Variants in FSHR observed in about 807,000 individuals in gnomAD.
FSHR encodes the protein follicle-stimulating hormone receptor.
A neutral mutation model predicts 52.1 loss-of-function variants in FSHR; 46 were observed. The ratio of observed to expected loss-of-function variants is 0.88; its 90% CI spans 0.70 to 1.13. The LOEUF is 1.13. Among genes scored for constraint, FSHR ranks in the 50% most tolerant of loss-of-function variants. The probability of loss-of-function intolerance (pLI) is 0.00; values close to 1 mark genes in which losing one functional copy is unlikely to be tolerated. For synonymous variants in FSHR, 399 were observed against 309.6 expected, an observed-to-expected ratio of 1.29 and a Z score of -3.03; for missense variants, 964 against 834.6, an observed-to-expected ratio of 1.16 and a Z score of -1.91.
intron 2 of FSHR, among the ~76,000 whole-genome samples, chr2:49,066,675 G>C (rs541375018): frequency 2.1e-4 from 32 of 152,098 alleles, no homozygotes; most frequent in Non-Finnish European, 2.8e-4. Flanking sequence ...TTCTTGGATT[G>C]TTGATATGTC....
intron 1 of FSHR, among the ~76,000 whole-genome samples, chr2:49,148,517 C>T (rs78234109): frequency 0.017 from 2,517 of 152,022 alleles, 40 homozygotes; most frequent in Non-Finnish European, 0.027. Flanking sequence ...GAATACACAT[C>T]GTATTGAACC....
At chr2:49,030,184 C>T (rs938634705) in intron 2 of FSHR, among the ~76,000 whole-genome samples, 12 of 152,060 alleles carry the variant, frequency 7.9e-5, no homozygotes, top group African/African-American at 2.9e-4. Flanking sequence ...TTAAAGAGGG[C>T]TCCATTGATA....
chr2:49,091,461 G>A (rs747961206), intron 1 of FSHR, among the ~76,000 whole-genome samples: 11 of 151,990 alleles, frequency 7.2e-5, no homozygotes, highest in Admixed American at 2.0e-4. Context: ...GTGTCACCAT[G>A]CCTGGCTATA....
chr2:48,983,777 G>T (rs1163856613), intron 6 of FSHR, among the ~76,000 whole-genome samples: 3 of 152,166 alleles, frequency 2.0e-5, no homozygotes, highest in Non-Finnish European at 4.4e-5. Flanking sequence ...CAATTACAGA[G>T]AATGTGGGCT....
intron 1 of FSHR, among the ~76,000 whole-genome samples, chr2:49,127,764 TTCTTCTTCTTCTTCTTCTTCTTCTTC>T (rs1672066898): frequency 2.4e-5 from 1 of 41,166 alleles, no homozygotes; most frequent in African/African-American, 1.0e-4. Flanking sequence ...CTTCTTCTTC[TTCTTCTTCTTCTTCTTCTTCTTCTTC>T]TTCTTCTTCT....
intron 1 of FSHR, among the ~76,000 whole-genome samples, chr2:49,130,273 C>T (rs1304069392): frequency 6.6e-6 from 1 of 152,110 alleles, no homozygotes; most frequent in Non-Finnish European, 1.5e-5. Context: ...ATGGGTGAGC[C>T]CAGTTATTTG....
At chr2:49,059,437 A>C (rs929312988) in intron 2 of FSHR, among the ~76,000 whole-genome samples, 4 of 151,926 alleles carry the variant, frequency 2.6e-5, no homozygotes, top group South Asian at 2.1e-4. Context: ...AGACAAATAG[A>C]CCAATGGAAC....
At chr2:49,029,568 A>G (rs1019145731) in intron 2 of FSHR, among the ~76,000 whole-genome samples, 5 of 152,338 alleles carry the variant, frequency 3.3e-5, no homozygotes, top group African/African-American at 1.2e-4. Context: ...AGATGTGTGA[A>G]GGTCCTCTGT....
intron 2 of FSHR, among the ~76,000 whole-genome samples, chr2:49,023,547 A>G (rs1483560501): frequency 6.6e-6 from 1 of 152,190 alleles, no homozygotes; most frequent in Non-Finnish European, 1.5e-5. Context: ...GAATTTTACT[A>G]ATACAGAGTA....
intron 2 of FSHR, among the ~76,000 whole-genome samples, chr2:49,031,573 G>C (rs796643814): frequency 6.6e-6 from 1 of 152,180 alleles, no homozygotes; most frequent in Non-Finnish European, 1.5e-5. Context: ...GATATGTGAT[G>C]ATAGGAGTGC....
At chr2:49,064,691 A>G (rs193179729) in intron 2 of FSHR, among the ~76,000 whole-genome samples, 104 of 152,268 alleles carry the variant, frequency 6.8e-4, no homozygotes, top group Middle Eastern at 3.4e-3. Flanking sequence ...TAACGAGGTA[A>G]AAACAACAGG....
At chr2:48,974,585 G>T (rs1383631408) in intron 8 of FSHR, among the ~76,000 whole-genome samples, 1 of 152,222 alleles carries the variant, frequency 6.6e-6, no homozygotes, top group Non-Finnish European at 1.5e-5. Flanking sequence ...AGCAAAAGTG[G>T]TTCCTGGATG....
chr2:48,980,577 T>C (rs1675201565), intron 8 of FSHR, among the ~76,000 whole-genome samples: 1 of 152,212 alleles, frequency 6.6e-6, no homozygotes, highest in Non-Finnish European at 1.5e-5. Context: ...TAACATTGAC[T>C]GGTGTTCTTA....
chr2:48,991,750 G>A (rs1675792546), intron 4 of FSHR, among the ~76,000 whole-genome samples: 1 of 152,162 alleles, frequency 6.6e-6, no homozygotes, highest in African/African-American at 2.4e-5. Context: ...ATTGTTCTTT[G>A]TCATTTCTCT....
chr2:49,152,094 A>C (rs753826091), intron 1 of FSHR, among the ~76,000 whole-genome samples: 1 of 152,156 alleles, frequency 6.6e-6, no homozygotes, highest in Non-Finnish European at 1.5e-5. Context: ...TGGGTATTTG[A>C]GAGAGCTTCT....
At chr2:49,142,707 G>C (rs1341600776) in intron 1 of FSHR, among the ~76,000 whole-genome samples, 1 of 152,194 alleles carries the variant, frequency 6.6e-6, no homozygotes, top group Non-Finnish European at 1.5e-5. Flanking sequence ...CAAGGAAATG[G>C]AAAAGGTAGG....
At chr2:49,074,312 C>T (rs922969233) in intron 1 of FSHR, among the ~76,000 whole-genome samples, 8 of 151,916 alleles carry the variant, frequency 5.3e-5, no homozygotes, top group Non-Finnish European at 1.2e-4. Flanking sequence ...ACTCAAACAT[C>T]TCAACAGCAA....
chr2:48,988,096 T>C (rs952404717), intron 6 of FSHR, among the ~76,000 whole-genome samples: 9 of 152,236 alleles, frequency 5.9e-5, no homozygotes, highest in Non-Finnish European at 2.9e-5. Flanking sequence ...CAAAGTGTTA[T>C]AATCTGTCTA....
At chr2:48,978,746 T>A (rs1444477706) in intron 8 of FSHR, among the ~76,000 whole-genome samples, 2 of 152,184 alleles carry the variant, frequency 1.3e-5, no homozygotes, top group Non-Finnish European at 2.9e-5. Context: ...TCGATGAAAC[T>A]TGTTTGTATG....
Sources: allele counts gnomAD v4.1 joint callset (sites outside exome capture counted in the v4.1 genomes callset), GRCh38; gene constraint gnomAD v4.1.1; transcripts MANE v1.5; gene names NCBI Gene and HGNC (gene_info 2026-07-23, HGNC 2026-07-21).